The following TSPEAR variants were observed in gnomAD, a reference collection of about 807,000 sequenced individuals.
TSPEAR encodes thrombospondin type laminin G domain and EAR repeats, also known as thrombospondin-type laminin G domain and EAR repeat-containing protein.
A neutral mutation model predicts 71.6 loss-of-function variants in TSPEAR; 69 were observed. That is an observed-to-expected ratio of 0.96 (90% CI 0.79 to 1.18). The LOEUF (loss-of-function observed/expected upper bound fraction) is 1.18, where lower values mean the gene tolerates loss of function less well. Ranked by LOEUF, TSPEAR falls within the 50% of genes most tolerant of loss-of-function variation. The pLI is 0.00. For synonymous variants in TSPEAR, 402 were observed against 387.2 expected (o/e 1.04, Z -0.45); for missense variants, 971 against 894.9 (o/e 1.09, Z -1.09).
At chr21:44,708,238 C>T (rs1407305598) in intron 1 of TSPEAR, among the ~76,000 whole-genome samples, 1 of 152,040 alleles carries the variant, frequency 6.6e-6, no homozygotes, top group African/African-American at 2.4e-5. Flanking sequence ...GAGCTGGGCC[C>T]CCTGGACAGA....
intron 1 of TSPEAR, among the ~76,000 whole-genome samples, chr21:44,643,857 C>T (rs587738771): frequency 6.6e-6 from 1 of 152,350 alleles, no homozygotes; most frequent in South Asian, 2.1e-4. Context: ...TGCGGAGTTG[C>T]GGGAAGCATT....
intron 2 of TSPEAR, among the ~76,000 whole-genome samples, chr21:44,547,487 G>T (rs2053320010): frequency 1.3e-5 from 2 of 152,138 alleles, no homozygotes; most frequent in African/African-American, 4.8e-5. Context: ...ATTACAATGG[G>T]ATATTTCTGG....
intron 1 of TSPEAR, among the ~76,000 whole-genome samples, chr21:44,656,949 C>T (rs977579277): frequency 2.6e-5 from 4 of 152,056 alleles, no homozygotes; most frequent in African/African-American, 4.8e-5. Context: ...AAATCCCAGA[C>T]CCCCCCAGCA....
intron 1 of TSPEAR, among the ~76,000 whole-genome samples, chr21:44,590,274 C>T (rs374052714): frequency 2.0e-5 from 3 of 152,258 alleles, no homozygotes; most frequent in African/African-American, 7.2e-5. Context: ...ACTCGCCCAA[C>T]GCGGTATCGT....
At chr21:44,626,101 C>T (rs781907725) in intron 1 of TSPEAR, among the ~76,000 whole-genome samples, 26 of 152,192 alleles carry the variant, frequency 1.7e-4, no homozygotes, top group Non-Finnish European at 3.4e-4. Flanking sequence ...GCAACAAAGA[C>T]GTTCTACTCA....
intron 1 of TSPEAR, among the ~76,000 whole-genome samples, chr21:44,592,793 G>A (rs1437547897): frequency 6.6e-6 from 1 of 152,154 alleles, no homozygotes. Flanking sequence ...TCCACCCCTG[G>A]CCCCAGCAGC....
chr21:44,635,136 G>A (rs1170688334), intron 1 of TSPEAR, among the ~76,000 whole-genome samples: 1 of 152,124 alleles, frequency 6.6e-6, no homozygotes, highest in Admixed American at 6.6e-5. Flanking sequence ...CTTGAGGTCA[G>A]GAGTTCAAGA....
At position 44,623,396 on chromosome 21, in the gene TSPEAR, GC is replaced by G. The variant is rs1982572246; in HGVS notation, c.83-55392del. ...ACTAAGACTGCTTTAACTTCATGTA[GC>G]CCCCTCCTGAATTTTGTGATCTTCT... On this transcript the variant is annotated intron_variant, in intron 1 of 11. Coordinates refer to ENST00000323084, the MANE Select transcript of TSPEAR (RefSeq NM_144991.3). This position sits in a 1 kb window ranked among gnomAD's most constrained non-coding sequence, Gnocchi z 4.5. Among the ~76,000 whole-genome samples, 1 of 152,042 alleles carries G rather than the reference GC, an allele frequency of 6.6e-6. No homozygotes were observed. Among genetic ancestry groups the G allele is most frequent in the Admixed American group, 6.5e-5 (1 of 15,282 alleles).
intron 9 of TSPEAR, chr21:44,519,379 G>A (rs1402119684): frequency 3.3e-5 from 5 of 152,220 alleles, no homozygotes; most frequent in African/African-American, 1.2e-4. Context: ...GCCCTCCTTG[G>A]GAGTCCCAAT....
chr21:44,639,066 G>C (rs782254351), intron 1 of TSPEAR, among the ~76,000 whole-genome samples: 5 of 152,136 alleles, frequency 3.3e-5, no homozygotes, highest in Admixed American at 3.3e-4. Context: ...AGCACAGATG[G>C]GCAGGGACCA....
rs782421210 is a variant in TSPEAR, at chr21:44,509,408, TGCAGAGGTGTGGGGGAGCGGGC to T, written c.1567-44_1567-23del. ...ACGTCTAGGACCAAAGGAGAGCAGG[TGCAGAGGTGTGGGGGAGCGGGC>T]GCAGAGGTGTGGGGGAGCGGGCGCA... is the stretch of plus-strand genomic sequence containing the variant. On this transcript the variant is annotated intron_variant, in intron 9 of 11. Transcript: ENST00000323084. 4.6e-5 allele frequency: 71 copies of T among 1,558,338 alleles called. 2 individuals are homozygous for T. The highest frequency in any genetic ancestry group is 3.4e-4 in the Middle Eastern group (2 of 5,816).
intron 1 of TSPEAR, chr21:44,637,839 C>A: frequency 1.4e-6 from 2 of 1,386,320 alleles, no homozygotes; most frequent in Non-Finnish European, 2.0e-6. Flanking sequence ...ACCTCCTCCC[C>A]ATGCCAGCAG....
In TSPEAR at chr21:44,579,160, G is replaced by A. The variant is rs186297558; in HGVS notation, c.83-11155C>T. Among the ~76,000 whole-genome samples, 119 of 152,274 alleles carry A rather than the reference G, an allele frequency of 7.8e-4. 1 individual carries two copies. Among genetic ancestry groups the A allele is most frequent in the African/African-American group, 2.5e-3 (104 of 41,572 alleles). The stretch of plus-strand genomic sequence containing the variant: ...AGCTTCCTGGAAGGTGACCCTGCAG[G>A]GTGGGCTCTCCCAGGTGGGACAGTG... On this transcript the variant is annotated intron_variant, in intron 1 of 11. Transcript: ENST00000323084.
At chr21:44,518,255 G>C (rs782475015) in intron 9 of TSPEAR, 2 of 462,540 alleles carry the variant, frequency 4.3e-6, no homozygotes, top group South Asian at 3.2e-5. Context: ...CCTGACTCCT[G>C]CAGTTTTCAG....
chr21:44,677,811 G>A, intron 1 of TSPEAR: 1 of 1,281,498 alleles, frequency 7.8e-7, no homozygotes, highest in Non-Finnish European at 1.1e-6. Flanking sequence ...ATAAGGTGCA[G>A]AACCAAGAAC....
intron 1 of TSPEAR, among the ~76,000 whole-genome samples, chr21:44,698,978 A>C (rs1374946004): frequency 4.6e-5 from 7 of 152,292 alleles, no homozygotes; most frequent in African/African-American, 1.4e-4. Context: ...AGGCAGGAAG[A>C]TCACTTGAGC....
At chr21:44,690,516 A>T in intron 1 of TSPEAR, 1 of 979,004 alleles carries the variant, frequency 1.0e-6, no homozygotes, top group South Asian at 4.7e-5. Context: ...CAGACATCTC[A>T]TCAGCAGCAC....
In TSPEAR at chr21:44,527,334, C is replaced by A. The variant is rs145868820; in HGVS notation, c.1107G>T (p.Thr369=). The A allele has an allele frequency of 1.2e-6, 2 of 1,614,028 alleles. No homozygotes were observed. The highest frequency in any genetic ancestry group is 1.7e-6 in the Non-Finnish European group (2 of 1,180,052). The change falls in exon 7 of 12, where the codon ACG becomes ACT. Residue 369 remains threonine (T), a synonymous_variant. Transcript: ENST00000323084. ...EKFVSYQNIP[T]HQAQAWRHFT... is the part of the protein sequence containing the mutation. ...AATGCCTCCAGGCCTGTGCTTGGTG[C>A]GTGGGGATGTTCTGATATGAGACGA...
At chr21:44,702,099 G>T in intron 1 of TSPEAR, 1 of 901,602 alleles carries the variant, frequency 1.1e-6, no homozygotes. Flanking sequence ...AGGGAGGCAG[G>T]GAAACTTCAC....
Sources: gnomAD v4.1 joint callset for allele counts (sites outside exome capture counted in the v4.1 genomes callset) on GRCh38, gnomAD v4.1.1 for gene constraint, Gnocchi (gnomAD v3.1) non-coding constraint, MANE v1.5 for transcripts, NCBI Gene and HGNC (gene_info 2026-07-23, HGNC 2026-07-21) for gene names.